TDRP: variants seen among roughly 807,000 people sequenced by gnomAD.
The protein encoded by TDRP is testis development related protein.
A neutral mutation model predicts 10.5 loss-of-function variants in TDRP; 12 were observed. The ratio of observed to expected loss-of-function variants is 1.15; its 90% CI spans 0.73 to 1.86. TDRP has a LOEUF of 1.86. TDRP is among the 40% of genes most tolerant of loss of function. The pLI, the probability that TDRP is intolerant of heterozygous loss-of-function variation, is 0.00. For synonymous variants in TDRP, 139 were observed against 95.4 expected, an observed-to-expected ratio of 1.46 and a Z score of -2.67; for missense variants, 353 against 229.2, an observed-to-expected ratio of 1.54 and a Z score of -3.49.
intron 1 of TDRP, among the ~76,000 whole-genome samples, chr8:521,744 A>T (rs1801912206): frequency 6.6e-6 from 1 of 152,120 alleles, no homozygotes; most frequent in East Asian, 1.9e-4. Context: ...ATTCTATATG[A>T]ACTTTAGAAT....
chr8:538,335 C>T (rs1752823308), intron 1 of TDRP, among the ~76,000 whole-genome samples: 1 of 152,162 alleles, frequency 6.6e-6, no homozygotes, highest in South Asian at 2.1e-4. Context: ...TCTACTGAGG[C>T]TGGGAAGGAC....
At chr8:536,678 A>C (rs1435843006) in intron 1 of TDRP, among the ~76,000 whole-genome samples, 1 of 152,242 alleles carries the variant, frequency 6.6e-6, no homozygotes, top group Non-Finnish European at 1.5e-5. Flanking sequence ...AATATGCTGA[A>C]TATATCAAAT....
intron 1 of TDRP, chr8:495,041 G>C (rs1468172040): frequency 1.3e-5 from 2 of 155,328 alleles, no homozygotes; most frequent in African/African-American, 4.8e-5. Context: ...ACACCAGCCT[G>C]GGGAACAAAG....
intron 2 of TDRP, among the ~76,000 whole-genome samples, chr8:493,746 G>T (rs749722034): frequency 6.6e-6 from 1 of 150,748 alleles, no homozygotes; most frequent in Non-Finnish European, 1.5e-5. Flanking sequence ...TCAATCCTTT[G>T]TATTTTTAAC....
chr8:499,361 C>A (rs1319524725), intron 1 of TDRP, among the ~76,000 whole-genome samples: 3 of 152,158 alleles, frequency 2.0e-5, no homozygotes, highest in Non-Finnish European at 4.4e-5. Context: ...ACCCTTTGAA[C>A]ACCACGCTGG....
At chr8:512,565 G>A (rs980399465) in intron 1 of TDRP, among the ~76,000 whole-genome samples, 1 of 151,664 alleles carries the variant, frequency 6.6e-6, no homozygotes, top group African/African-American at 2.4e-5. Flanking sequence ...AGAATATAAA[G>A]AAACATTGTC....
intron 1 of TDRP, among the ~76,000 whole-genome samples, chr8:514,607 T>C (rs1012139866): frequency 2.0e-5 from 3 of 152,150 alleles, no homozygotes; most frequent in Non-Finnish European, 4.4e-5. Flanking sequence ...CGAGGAACCA[T>C]GTGGCCACAA....
chr8:503,836 C>T (rs1414109979), intron 1 of TDRP, among the ~76,000 whole-genome samples: 2 of 141,720 alleles, frequency 1.4e-5, no homozygotes, highest in Non-Finnish European at 3.2e-5. Flanking sequence ...GAGCCACACA[C>T]TGGAACCAAT....
chr8:531,909 G>A (rs998081632), intron 1 of TDRP, among the ~76,000 whole-genome samples: 1 of 152,180 alleles, frequency 6.6e-6, no homozygotes, highest in Non-Finnish European at 1.5e-5. Context: ...GAACAGGAAT[G>A]GGGGGATTTC....
At chr8:501,507 C>T (rs1175842426) in intron 1 of TDRP, among the ~76,000 whole-genome samples, 1 of 151,860 alleles carries the variant, frequency 6.6e-6, no homozygotes, top group African/African-American at 2.4e-5. Context: ...CCACCACACC[C>T]AGCTAATTTT....
intron 1 of TDRP, among the ~76,000 whole-genome samples, chr8:504,176 C>T (rs1431767360): frequency 6.6e-6 from 1 of 152,226 alleles, no homozygotes; most frequent in African/African-American, 2.4e-5. Context: ...GTCCCCTCAT[C>T]TGTCAGATGC....
chr8:536,825 G>A (rs1455098723), intron 1 of TDRP, among the ~76,000 whole-genome samples: 2 of 151,540 alleles, frequency 1.3e-5, no homozygotes, highest in South Asian at 2.1e-4. Flanking sequence ...TGAATCCGGA[G>A]CGAATAAGCA....
intron 1 of TDRP, among the ~76,000 whole-genome samples, chr8:531,324 C>CT (rs1346625822): frequency 6.6e-6 from 1 of 152,178 alleles, no homozygotes; most frequent in African/African-American, 2.4e-5. Flanking sequence ...AGGTCCGGGA[C>CT]TTTCCACTCC....
chr8:543,150 C>T (rs1329890457), intron 1 of TDRP, among the ~76,000 whole-genome samples: 1 of 151,926 alleles, frequency 6.6e-6, no homozygotes, highest in African/African-American at 2.4e-5. Context: ...TCCACAAAAA[C>T]GGTTTTTTAA....
At chr8:520,581 A>G (rs1801876497) in intron 1 of TDRP, among the ~76,000 whole-genome samples, 2 of 152,188 alleles carry the variant, frequency 1.3e-5, no homozygotes, top group African/African-American at 2.4e-5. Context: ...AGGTGTTCCA[A>G]TCTCCCCGCA....
chr8:505,944 A>T (rs1293344751), intron 1 of TDRP, among the ~76,000 whole-genome samples: 1 of 152,158 alleles, frequency 6.6e-6, no homozygotes, highest in South Asian at 2.1e-4. Flanking sequence ...GCCAGCCAGG[A>T]CAGGGTCCCT....
At chr8:504,330 T>C (rs1801394547) in intron 1 of TDRP, among the ~76,000 whole-genome samples, 1 of 152,184 alleles carries the variant, frequency 6.6e-6, no homozygotes, top group South Asian at 2.1e-4. Context: ...CCAGACAGCA[T>C]GTTTTGGGTA....
chr8:545,594 C>T (rs1487045204), upstream of TDRP: 1 of 152,178 alleles, frequency 6.6e-6, no homozygotes, highest in Non-Finnish European at 1.5e-5. Flanking sequence ...GGGGCACAGT[C>T]CGCGGAGCGG....
chr8:523,019 G>C (rs918333129), intron 1 of TDRP, among the ~76,000 whole-genome samples: 1 of 152,186 alleles, frequency 6.6e-6, no homozygotes, highest in African/African-American at 2.4e-5. Flanking sequence ...TACATGGAAA[G>C]TAATTACTGA....
Sources: gnomAD v4.1 joint callset for allele counts (sites outside exome capture counted in the v4.1 genomes callset) on GRCh38, gnomAD v4.1.1 for gene constraint, MANE v1.5 for transcripts, NCBI Gene and HGNC (gene_info 2026-07-23, HGNC 2026-07-21) for gene names.